QTMAN: variants seen among roughly 807,000 people sequenced by gnomAD.
QTMAN encodes the protein queuosine-tRNA mannosyltransferase.
chr2:144,079,467 G>A, the QTMAN span, among the ~76,000 whole-genome samples: 3 of 152,074 alleles, frequency 2.0e-5, no homozygotes, highest in Non-Finnish European at 2.9e-5. Context: ...ATAAAAACTT[G>A]AGAGCAAGAA....
the QTMAN span, among the ~76,000 whole-genome samples, chr2:144,283,063 C>T: frequency 6.6e-6 from 1 of 152,128 alleles, no homozygotes; most frequent in Non-Finnish European, 1.5e-5. Flanking sequence ...CTGATCTGGC[C>T]GTTCATTTGT....
At chr2:144,094,335 A>G in the QTMAN span, among the ~76,000 whole-genome samples, 30 of 152,326 alleles carry the variant, frequency 2.0e-4, no homozygotes, top group Admixed American at 1.2e-3. Flanking sequence ...TCTTCTCGGT[A>G]TTTACATTAA....
At chr2:144,119,352 A>G in the QTMAN span, among the ~76,000 whole-genome samples, 2 of 152,204 alleles carry the variant, frequency 1.3e-5, no homozygotes, top group Non-Finnish European at 2.9e-5. Context: ...TTTCTAAAAT[A>G]CAAGTCAGGC....
At chr2:144,133,442 A>AT in the QTMAN span, among the ~76,000 whole-genome samples, 1 of 59,822 alleles carries the variant, frequency 1.7e-5, no homozygotes, top group East Asian at 6.4e-4. Context: ...TATAATATAT[A>AT]ATATATAATA....
chr2:144,254,290 T>C, the QTMAN span, among the ~76,000 whole-genome samples: 4 of 152,054 alleles, frequency 2.6e-5, no homozygotes, highest in Non-Finnish European at 5.9e-5. Flanking sequence ...GGTGTGGTTG[T>C]GGGCGCCTGT....
the QTMAN span, among the ~76,000 whole-genome samples, chr2:144,314,312 C>A: frequency 1.3e-5 from 2 of 152,158 alleles, no homozygotes. Flanking sequence ...ACTCTATCAT[C>A]TCATATATAT....
At chr2:144,140,511 C>A in the QTMAN span, among the ~76,000 whole-genome samples, 1 of 151,958 alleles carries the variant, frequency 6.6e-6, no homozygotes, top group African/African-American at 2.4e-5. Context: ...GTATAACTAT[C>A]ACATTTTTCA....
chr2:144,103,196 C>T, the QTMAN span, among the ~76,000 whole-genome samples: 1 of 152,186 alleles, frequency 6.6e-6, no homozygotes, highest in African/African-American at 2.4e-5. Context: ...CCCCATTGGA[C>T]ATAACAGGTT....
the QTMAN span, among the ~76,000 whole-genome samples, chr2:144,215,281 C>T: frequency 1.6e-3 from 242 of 149,782 alleles, no homozygotes; most frequent in African/African-American, 5.6e-3. Flanking sequence ...TATACACACA[C>T]ACACACACAC....
At chr2:144,143,884 T>C in the QTMAN span, among the ~76,000 whole-genome samples, 1 of 151,798 alleles carries the variant, frequency 6.6e-6, no homozygotes, top group Non-Finnish European at 1.5e-5. Context: ...AATCTGACAG[T>C]GCCAAAAAAA....
the QTMAN span, chr2:144,011,821 A>C: frequency 6.7e-6 from 5 of 749,934 alleles, no homozygotes; most frequent in Non-Finnish European, 6.5e-6. Flanking sequence ...GGTGCTAATG[A>C]GAAGAGAAAA....
the QTMAN span, among the ~76,000 whole-genome samples, chr2:144,055,168 T>C: frequency 2.4e-4 from 36 of 152,230 alleles, no homozygotes; most frequent in Non-Finnish European, 3.2e-4. Context: ...TGTAAATGAG[T>C]TGAAGGAGAC....
the QTMAN span, among the ~76,000 whole-genome samples, chr2:144,153,879 G>A: frequency 6.6e-6 from 1 of 152,074 alleles, no homozygotes; most frequent in African/African-American, 2.4e-5. Context: ...CCACCCCTAA[G>A]AGATACGACT....
chr2:144,028,629 A>G, the QTMAN span, among the ~76,000 whole-genome samples: 2 of 152,212 alleles, frequency 1.3e-5, no homozygotes, highest in African/African-American at 4.8e-5. Flanking sequence ...AGAACAATCC[A>G]ATTTTCCTGG....
the QTMAN span, among the ~76,000 whole-genome samples, chr2:144,290,699 C>T: frequency 6.6e-6 from 1 of 152,206 alleles, no homozygotes; most frequent in Non-Finnish European, 1.5e-5. Context: ...ATCAGAGGCA[C>T]ATGCCTTTGT....
At chr2:144,204,565 C>T in the QTMAN span, among the ~76,000 whole-genome samples, 1 of 152,166 alleles carries the variant, frequency 6.6e-6, no homozygotes, top group Non-Finnish European at 1.5e-5. Flanking sequence ...CTAGTTCAAC[C>T]ATTGTGGAAG....
the QTMAN span, among the ~76,000 whole-genome samples, chr2:144,306,266 A>C: frequency 6.6e-6 from 1 of 152,208 alleles, no homozygotes; most frequent in African/African-American, 2.4e-5. Flanking sequence ...AACAATCATG[A>C]CCTTTATACC....
the QTMAN span, among the ~76,000 whole-genome samples, chr2:144,168,889 T>C: frequency 6.6e-6 from 1 of 152,034 alleles, no homozygotes; most frequent in Non-Finnish European, 1.5e-5. Flanking sequence ...AACTTCATCA[T>C]TAAGTAAAAA....
chr2:144,219,351 G>A, the QTMAN span, among the ~76,000 whole-genome samples: 44 of 152,132 alleles, frequency 2.9e-4, 2 homozygotes, highest in East Asian at 1.8e-3. Context: ...GGCTGGTCTC[G>A]AACTCCTGAC....
Sources: gnomAD v4.1 joint callset for allele counts (sites outside exome capture counted in the v4.1 genomes callset) on GRCh38, gnomAD v4.1.1 for gene constraint, MANE v1.5 for transcripts, NCBI Gene and HGNC (gene_info 2026-07-23, HGNC 2026-07-21) for gene names.